SIMC1: variants seen among roughly 807,000 people sequenced by gnomAD.
SIMC1 encodes the protein SUMO interacting motifs containing 1, also known as SUMO-interacting motif-containing protein 1.
In SIMC1, 55 loss-of-function variants were observed where a neutral mutation model predicts 82.3. The observed-to-expected ratio is 0.67, with a 90% confidence interval of 0.54 to 0.84. The LOEUF (loss-of-function observed/expected upper bound fraction) is 0.84. Ranked by LOEUF, SIMC1 falls within the 40% of genes least tolerant of loss-of-function variation. The pLI is 0.00. For missense variants in SIMC1, 915 were observed against 1,107.2 expected (o/e 0.83, Z 2.46); for synonymous variants, 353 against 426.3 (o/e 0.83, Z 2.12).
chr5:176,309,675 C>T (rs776220120), intron 4 of SIMC1, among the ~76,000 whole-genome samples: 3 of 152,170 alleles, frequency 2.0e-5, no homozygotes, highest in Non-Finnish European at 2.9e-5. Flanking sequence ...GTAGCTCATG[C>T]TTGTAATCTC....
chr5:176,253,666 C>T (rs1299339198), intron 1 of SIMC1, among the ~76,000 whole-genome samples: 1 of 152,140 alleles, frequency 6.6e-6, no homozygotes, highest in Non-Finnish European at 1.5e-5. Context: ...GAGGGAGTAG[C>T]TCTCAAGCTA....
chr5:176,339,588 T>C (rs1232256799), intron 9 of SIMC1, among the ~76,000 whole-genome samples: 1 of 152,204 alleles, frequency 6.6e-6, no homozygotes, highest in Non-Finnish European at 1.5e-5. Flanking sequence ...TAACATTTCT[T>C]GTTCCTTTCT....
chr5:176,297,575 G>A (rs1479186903), intron 4 of SIMC1, among the ~76,000 whole-genome samples: 1 of 150,770 alleles, frequency 6.6e-6, no homozygotes, highest in Non-Finnish European at 1.5e-5. Context: ...GTGCAGAGTT[G>A]GTGCTACAGG....
At chr5:176,280,169 G>A (rs944702944) in intron 1 of SIMC1, among the ~76,000 whole-genome samples, 3 of 152,248 alleles carry the variant, frequency 2.0e-5, no homozygotes, top group South Asian at 2.1e-4. Flanking sequence ...TGTATTGGGT[G>A]TATATATATT....
chr5:176,341,535 G>A (rs1024682730), intron 9 of SIMC1, among the ~76,000 whole-genome samples: 9 of 152,210 alleles, frequency 5.9e-5, no homozygotes, highest in Non-Finnish European at 1.5e-5. Flanking sequence ...AGGGGCCAGG[G>A]GAGGGGTAAT....
At chr5:176,274,711 G>C (rs1046804512) in intron 1 of SIMC1, among the ~76,000 whole-genome samples, 6 of 151,778 alleles carry the variant, frequency 4.0e-5, no homozygotes, top group African/African-American at 9.7e-5. Flanking sequence ...TCCAGTTTCA[G>C]CTTTCTACAT....
At chr5:176,345,127 T>TA (rs1423077149) in intron 9 of SIMC1, 56 bp from the exon 10 acceptor site, 3 of 1,555,306 alleles carry the variant, frequency 1.9e-6, no homozygotes, top group Non-Finnish European at 2.6e-6. Context: ...TTAGACTTCT[T>TA]AAAAAGAATT....
rs1309905523 is a variant in SIMC1 at position 176,290,125 on chromosome 5, C to G, written c.601C>G (p.Gln201Glu). ...NSRSSSSSSN[Q>E]KAPLPCPQQD... ...TAGGAGCAGCAGCAGCAGCAGCAAT[C>G]AAAAAGCACCCTTGCCATGCCCACA... The change falls in exon 2 of 10, where the codon CAA (glutamine) becomes GAA (glutamate). Residue 201 changes from glutamine to glutamate, a missense_variant. Coordinates refer to ENST00000429602, the MANE Select transcript of SIMC1 (RefSeq NM_001308195.2). The G allele has an allele frequency of 1.2e-6, 2 of 1,603,844 alleles. No individual in the cohort carries two copies. Among genetic ancestry groups the G allele is most frequent in the African/African-American group, 1.3e-5 (1 of 74,526 alleles).
Position 176,252,267 on chromosome 5 carries a change from C to T in SIMC1, c.129+13630C>T, listed in dbSNP as rs553679676. ...GGGCGGCTGGCTAGGCGGGGGCTGA[C>T]CCCCTCACCTCCGTCCCGGACGTGG... On this transcript the variant is annotated intron_variant, in intron 1 of 9. Coordinates refer to ENST00000429602, the MANE Select transcript of SIMC1 (RefSeq NM_001308195.2). 2.3e-3 allele frequency among the ~76,000 whole-genome samples: 350 copies of T among 151,890 alleles called. 3 individuals carry two copies. The highest frequency in any genetic ancestry group is 8.1e-3 in the African/African-American group (336 of 41,402).
intron 5 of SIMC1, among the ~76,000 whole-genome samples, chr5:176,317,280 T>C (rs750187406): frequency 1.4e-4 from 22 of 152,238 alleles, no homozygotes; most frequent in Non-Finnish European, 1.8e-4. Context: ...ATTCTCCATA[T>C]GAACCCTTCT....
chr5:176,339,958 C>T (rs1409052119), intron 9 of SIMC1, among the ~76,000 whole-genome samples: 1 of 152,122 alleles, frequency 6.6e-6, no homozygotes. Flanking sequence ...TGCGAGTGGT[C>T]TGTGGATGTT....
In SIMC1 at chr5:176,245,378, T is replaced by C. The variant is rs1430053726; in HGVS notation, c.129+6741T>C. Among the ~76,000 whole-genome samples the C allele has an allele frequency of 3.9e-5, 6 of 152,296 alleles. No homozygotes were observed. In the East Asian group the frequency reaches 1.2e-3, roughly 29 times the overall value. ...AAAAGGCATGAAACAGATTCTTCCC[T>C]GGAGCCTTCAAGAGAACGTGGCTCT... On this transcript the variant is annotated intron_variant, in intron 1 of 9. Transcript: ENST00000429602.
At chr5:176,323,712 C>T (rs1457205647) in intron 6 of SIMC1, among the ~76,000 whole-genome samples, 1 of 152,118 alleles carries the variant, frequency 6.6e-6, no homozygotes, top group Non-Finnish European at 1.5e-5. Flanking sequence ...TGTTGCCGGG[C>T]GTGGTGGCTC....
intron 1 of SIMC1, among the ~76,000 whole-genome samples, chr5:176,272,589 C>T (rs566818664): frequency 6.6e-6 from 1 of 152,202 alleles, no homozygotes; most frequent in South Asian, 2.1e-4. Flanking sequence ...TCAGTGGGTG[C>T]ACGACAGTGG....
At chr5:176,264,137 G>A (rs1251769661) in intron 1 of SIMC1, among the ~76,000 whole-genome samples, 3 of 152,250 alleles carry the variant, frequency 2.0e-5, no homozygotes, top group African/African-American at 4.8e-5. Flanking sequence ...CTGGGGCACA[G>A]CCCATATGGC....
chr5:176,248,558 A>T (rs188136593), intron 1 of SIMC1, among the ~76,000 whole-genome samples: 2 of 152,188 alleles, frequency 1.3e-5, no homozygotes, highest in East Asian at 1.9e-4. Flanking sequence ...GCAAACAGAG[A>T]TAGTTTGACT....
chr5:176,240,082 AG>A (rs1761232807), intron 1 of SIMC1, among the ~76,000 whole-genome samples: 1 of 83,662 alleles, frequency 1.2e-5, no homozygotes, highest in South Asian at 3.9e-4. Flanking sequence ...CAGTGTTAAT[AG>A]GAAATGTAGA....
At chr5:176,343,472 T>G (rs914739445) in intron 9 of SIMC1, among the ~76,000 whole-genome samples, 1 of 152,242 alleles carries the variant, frequency 6.6e-6, no homozygotes, top group Non-Finnish European at 1.5e-5. Context: ...AGATTTGGGA[T>G]GAGATACCTT....
At chr5:176,258,517 C>G (rs1343574000) in intron 1 of SIMC1, among the ~76,000 whole-genome samples, 1 of 149,998 alleles carries the variant, frequency 6.7e-6, no homozygotes, top group Non-Finnish European at 1.5e-5. Flanking sequence ...AAATATAATT[C>G]TATTTTTTAA....
Sources: gnomAD v4.1 joint callset for allele counts (sites outside exome capture counted in the v4.1 genomes callset) on GRCh38, gnomAD v4.1.1 for gene constraint, MANE v1.5 for transcripts, NCBI Gene and HGNC (gene_info 2026-07-23, HGNC 2026-07-21) for gene names.